FANCC: variants seen among roughly 807,000 people sequenced by gnomAD.
The protein encoded by FANCC is Fanconi anemia group C protein.
In FANCC, 55 loss-of-function variants were observed where a neutral mutation model predicts 71.3. The observed-to-expected ratio is 0.77, with a 90% CI of 0.62 to 0.97. The LOEUF is 0.97. Among genes scored for constraint, FANCC ranks in the 50% least tolerant of loss-of-function variants. The pLI, the probability that FANCC is intolerant of heterozygous loss-of-function variation, is 0.00. For missense variants in FANCC, 678 were observed against 670.9 expected, an observed-to-expected ratio of 1.01 and a Z score of -0.12; for synonymous variants, 275 against 244.9, an observed-to-expected ratio of 1.12 and a Z score of -1.15.
At chr9:95,125,418 T>C (rs138465623) in intron 9 of FANCC, among the ~76,000 whole-genome samples, 51 of 152,340 alleles carry the variant, frequency 3.3e-4, no homozygotes, top group South Asian at 2.5e-3. Context: ...TCTTAAATTA[T>C]TAAGCAATGC....
chr9:95,110,632 A>T (rs1564646188), intron 13 of FANCC: 1 of 1,043,212 alleles, frequency 9.6e-7, no homozygotes, highest in Non-Finnish European at 1.2e-6. Context: ...AAATACGCAG[A>T]CATCTTTATT....
At chr9:95,154,329 AG>A (rs527723935) in intron 6 of FANCC, among the ~76,000 whole-genome samples, 2 of 151,696 alleles carry the variant, frequency 1.3e-5, no homozygotes, top group South Asian at 4.2e-4. Flanking sequence ...TGTTTCTGAT[AG>A]GAACATAAAT....
intron 1 of FANCC, among the ~76,000 whole-genome samples, chr9:95,275,949 A>G (rs1833011518): frequency 6.6e-6 from 1 of 152,086 alleles, no homozygotes; most frequent in South Asian, 2.1e-4. Flanking sequence ...AGTGGATCTC[A>G]GTTACACCTG....
chr9:95,104,952 C>G (rs950522810), intron 14 of FANCC, among the ~76,000 whole-genome samples: 1 of 152,190 alleles, frequency 6.6e-6, no homozygotes, highest in Non-Finnish European at 1.5e-5. Context: ...ATTTGTCTCT[C>G]GCGTCTGGCT....
intron 1 of FANCC, among the ~76,000 whole-genome samples, chr9:95,303,728 C>A (rs1245848140): frequency 4.6e-5 from 7 of 152,154 alleles, no homozygotes; most frequent in Admixed American, 3.3e-4. Context: ...AGGACCCCAC[C>A]GGTATGACTT....
intron 4 of FANCC, among the ~76,000 whole-genome samples, chr9:95,193,738 G>A (rs765254514): frequency 5.3e-5 from 8 of 152,184 alleles, no homozygotes; most frequent in Non-Finnish European, 1.0e-4. Flanking sequence ...CAAATTGCAA[G>A]GGCGGCAATG....
At chr9:95,225,103 C>T (rs1227299033) in intron 4 of FANCC, among the ~76,000 whole-genome samples, 1 of 152,144 alleles carries the variant, frequency 6.6e-6, no homozygotes. Flanking sequence ...CAGTTACCAG[C>T]TCACAATGAC....
intron 13 of FANCC, chr9:95,111,010 G>T: frequency 7.0e-7 from 1 of 1,435,834 alleles, no homozygotes; most frequent in South Asian, 1.5e-5. Context: ...AGGATCTGTT[G>T]ACTGATCCAA....
intron 3 of FANCC, among the ~76,000 whole-genome samples, chr9:95,244,680 A>G (rs13292022): frequency 1.7e-4 from 3 of 17,630 alleles, no homozygotes; most frequent in Non-Finnish European, 2.1e-4. Flanking sequence ...CTTTGTCTCA[A>G]AAAAAAAAAA....
At chr9:95,284,916 G>A (rs903594776) in intron 1 of FANCC, among the ~76,000 whole-genome samples, 2 of 149,248 alleles carry the variant, frequency 1.3e-5, no homozygotes, top group African/African-American at 4.9e-5. Flanking sequence ...ACATACGCAT[G>A]CGCACACGCA....
intron 1 of FANCC, among the ~76,000 whole-genome samples, chr9:95,287,080 G>A (rs972912703): frequency 2.6e-5 from 4 of 151,948 alleles, no homozygotes; most frequent in Admixed American, 2.0e-4. Context: ...TATAAGCACC[G>A]TAAACTTATC....
rs528564734 is a variant in FANCC at position 95,132,004 on chromosome 9, T to A, written c.843+3342A>T. Among the ~76,000 whole-genome samples, 53 of 152,362 alleles carry A rather than the reference T, an allele frequency of 3.5e-4. 1 individual carries two copies. The South Asian group carries it at 9.3e-3, about 27-fold the overall frequency. On this transcript the variant is annotated intron_variant, in intron 8 of 14. Transcript: ENST00000289081. ...TAAAGTAATCTTTTGAATTAAGCCA[T>A]AAAGATTTTTAGGTAGGAGAGAAAA...
At chr9:95,175,643 C>T (rs1825968684) in intron 4 of FANCC, among the ~76,000 whole-genome samples, 1 of 152,316 alleles carries the variant, frequency 6.6e-6, no homozygotes, top group East Asian at 1.9e-4. Context: ...TACAAGCCAG[C>T]GTGCCATCTG....
chr9:95,314,190 A>G (rs971182747), intron 1 of FANCC, among the ~76,000 whole-genome samples: 4 of 152,262 alleles, frequency 2.6e-5, no homozygotes, highest in Non-Finnish European at 5.9e-5. Flanking sequence ...TAATTCACAA[A>G]AAACTGGAAG....
intron 1 of FANCC, among the ~76,000 whole-genome samples, chr9:95,310,181 A>G (rs1461179005): frequency 6.6e-6 from 1 of 152,156 alleles, no homozygotes; most frequent in Admixed American, 6.5e-5. Context: ...TAGGTAACAT[A>G]GCATGACTCT....
intron 4 of FANCC, among the ~76,000 whole-genome samples, chr9:95,177,578 C>A (rs1826092244): frequency 6.6e-6 from 1 of 152,226 alleles, no homozygotes; most frequent in Non-Finnish European, 1.5e-5. Context: ...ACAATCAATG[C>A]TTTGCCTAAA....
At chr9:95,269,980 C>T (rs1832626936) in intron 1 of FANCC, among the ~76,000 whole-genome samples, 1 of 152,168 alleles carries the variant, frequency 6.6e-6, no homozygotes, top group Admixed American at 6.5e-5. Flanking sequence ...TTTAACAAAG[C>T]ACATCCTGCA....
chr9:95,308,485 C>A (rs1442753347), intron 1 of FANCC, among the ~76,000 whole-genome samples: 2 of 151,930 alleles, frequency 1.3e-5, no homozygotes, highest in Non-Finnish European at 2.9e-5. Context: ...CAGGTTTCAC[C>A]CTGTTGGCCA....
chr9:95,178,909 T>C (rs1348850435), intron 4 of FANCC, among the ~76,000 whole-genome samples: 2 of 152,352 alleles, frequency 1.3e-5, no homozygotes, highest in South Asian at 2.1e-4. Flanking sequence ...AAGCCACTTA[T>C]GGGTGTAAAG....
Sources: gnomAD v4.1 joint callset for allele counts (sites outside exome capture counted in the v4.1 genomes callset) on GRCh38, gnomAD v4.1.1 for gene constraint, MANE v1.5 for transcripts, NCBI Gene and HGNC (gene_info 2026-07-23, HGNC 2026-07-21) for gene names.